Variants in CACNA2D1 observed in about 807,000 individuals in gnomAD.
CACNA2D1 encodes the protein voltage-dependent calcium channel subunit alpha-2/delta-1.
In CACNA2D1, 53 loss-of-function variants were observed where a neutral mutation model predicts 171.5. The ratio of observed to expected loss-of-function variants is 0.31; its 90% CI spans 0.25 to 0.39. CACNA2D1 has a LOEUF of 0.39. Among genes scored for constraint, CACNA2D1 ranks in the 10% least tolerant of loss-of-function variants. CACNA2D1 has a pLI of 1.00. For missense variants in CACNA2D1, 903 were observed against 1,299.8 expected (o/e 0.69, Z 4.69); for synonymous variants, 442 against 443.1 (o/e 1.00, Z 0.03).
At chr7:82,405,533 T>A (rs1826934597) in intron 1 of CACNA2D1, among the ~76,000 whole-genome samples, 1 of 152,084 alleles carries the variant, frequency 6.6e-6, no homozygotes, top group Non-Finnish European at 1.5e-5. Flanking sequence ...AATGACAAAG[T>A]CTAGGAAATC....
chr7:82,250,431 A>T (rs1486502085), intron 3 of CACNA2D1, among the ~76,000 whole-genome samples: 7 of 152,188 alleles, frequency 4.6e-5, no homozygotes, highest in African/African-American at 1.7e-4. Flanking sequence ...TAACATATAA[A>T]ATCTTATATA....
At chr7:81,963,023 C>T (rs1419685512) in intron 34 of CACNA2D1, among the ~76,000 whole-genome samples, 3 of 151,730 alleles carry the variant, frequency 2.0e-5, no homozygotes, top group Non-Finnish European at 4.4e-5. Flanking sequence ...TTCAGTTTTA[C>T]AGTAACTGAC....
At chr7:82,224,105 G>GT (rs1323139085) in intron 3 of CACNA2D1, among the ~76,000 whole-genome samples, 1 of 152,018 alleles carries the variant, frequency 6.6e-6, no homozygotes, top group Admixed American at 6.6e-5. Flanking sequence ...CAGTCACTAT[G>GT]TTTTATTCAC....
In CACNA2D1 at chr7:82,084,812, C is replaced by T. The variant is rs1554398083; in HGVS notation, c.615G>A (p.Trp205Ter). ...KNREEDPSLL[W>*]QVFGSATGLA... ...GGCCAGTGGCACTGCCAAAAACCTG[C>T]CACAATAATGAAGGGTCTTCCTCGC... Residue 205 changes from tryptophan to a stop codon, truncating the protein, a stop_gained, in exon 7 of 39, where the codon TGG becomes TGA. Coordinates refer to ENST00000356860, the MANE Select transcript of CACNA2D1 (RefSeq NM_000722.4). LOFTEE classifies it high-confidence loss of function. The T allele has an allele frequency of 6.2e-7, 1 of 1,613,936 alleles. No individual in the cohort carries two copies.
At chr7:82,043,347 A>C (rs1357691161) in intron 10 of CACNA2D1, among the ~76,000 whole-genome samples, 2 of 152,164 alleles carry the variant, frequency 1.3e-5, no homozygotes, top group Non-Finnish European at 2.9e-5. Context: ...TATTGTTTTA[A>C]AAATTATTTT....
intron 8 of CACNA2D1, among the ~76,000 whole-genome samples, chr7:82,065,122 T>A (rs1386388667): frequency 6.6e-6 from 1 of 151,892 alleles, no homozygotes; most frequent in Non-Finnish European, 1.5e-5. Context: ...TCAATTTTTT[T>A]ACTTATTTCT....
intron 3 of CACNA2D1, among the ~76,000 whole-genome samples, chr7:82,328,536 A>C (rs369147226): frequency 6.6e-6 from 1 of 152,126 alleles, no homozygotes; most frequent in Admixed American, 6.6e-5. Flanking sequence ...TTCTGTCCCA[A>C]GTGAAATATT....
chr7:82,092,513 C>T (rs1341286009), intron 6 of CACNA2D1, among the ~76,000 whole-genome samples: 3 of 148,874 alleles, frequency 2.0e-5, no homozygotes, highest in South Asian at 2.1e-4. Context: ...ATTGGGACTA[C>T]GGGCACCCAC....
In CACNA2D1 at chr7:82,155,614, G is replaced by A. The variant is rs555689874; in HGVS notation, c.354+14936C>T. 2.0e-5 allele frequency among the ~76,000 whole-genome samples: 3 copies of A among 152,206 alleles called. No homozygotes were observed. The East Asian group carries it at 5.8e-4, about 29-fold the overall frequency. On this transcript the variant is annotated intron_variant, in intron 4 of 38. Transcript: ENST00000356860. ...AAAGGTTCCCTCCTGGAGCTTCCCA[G>A]GTGGTATTTTTTGCTATTAGCAAAC...
intron 2 of CACNA2D1, among the ~76,000 whole-genome samples, chr7:82,348,056 G>C (rs1819442113): frequency 6.6e-6 from 1 of 152,180 alleles, no homozygotes; most frequent in Non-Finnish European, 1.5e-5. Context: ...CAGAGTAAGG[G>C]AGATGCTCCC....
intron 12 of CACNA2D1, among the ~76,000 whole-genome samples, chr7:82,026,714 A>T (rs751587775): frequency 6.6e-6 from 1 of 151,720 alleles, no homozygotes; most frequent in Non-Finnish European, 1.5e-5. Flanking sequence ...TAAAGTTAGA[A>T]CATGTTCCTC....
At chr7:81,974,872 G>A (rs1333713835) in intron 24 of CACNA2D1, among the ~76,000 whole-genome samples, 2 of 151,902 alleles carry the variant, frequency 1.3e-5, no homozygotes, top group Admixed American at 6.6e-5. Flanking sequence ...TTGGGGCATC[G>A]GGGGCAAGGG....
intron 1 of CACNA2D1, 70 bp downstream of exon 1, chr7:82,443,295 G>T: frequency 6.7e-7 from 1 of 1,487,576 alleles, no homozygotes; most frequent in Non-Finnish European, 9.1e-7. Flanking sequence ...CGCGACTCGG[G>T]AACCGACCCC....
intron 1 of CACNA2D1, among the ~76,000 whole-genome samples, chr7:82,379,267 A>C (rs1258086349): frequency 6.6e-6 from 1 of 152,044 alleles, no homozygotes; most frequent in Non-Finnish European, 1.5e-5. Context: ...TGACTGACGA[A>C]TTTCAAAGCA....
intron 9 of CACNA2D1, among the ~76,000 whole-genome samples, chr7:82,061,185 A>C (rs956818732): frequency 6.6e-6 from 1 of 152,142 alleles, no homozygotes; most frequent in Non-Finnish European, 1.5e-5. Context: ...GTCCAAAATG[A>C]CACATTACTT....
At chr7:82,366,082 A>G (rs949756815) in intron 1 of CACNA2D1, among the ~76,000 whole-genome samples, 1 of 152,094 alleles carries the variant, frequency 6.6e-6, no homozygotes, top group Non-Finnish European at 1.5e-5. Context: ...CTCCTAGACC[A>G]CTCGTTGCTA....
intron 1 of CACNA2D1, among the ~76,000 whole-genome samples, chr7:82,368,008 CAA>C: frequency 6.6e-6 from 1 of 152,034 alleles, no homozygotes; most frequent in Non-Finnish European, 1.5e-5. Flanking sequence ...CATAAAATTT[CAA>C]AATTCAAGAA....
intron 8 of CACNA2D1, 105 bp from the exon 9 acceptor site, chr7:82,064,459 G>A (rs1352791191): frequency 4.5e-5 from 34 of 753,614 alleles, no homozygotes; most frequent in African/African-American, 1.7e-5. Context: ...TTTTCCCCAA[G>A]CAAAGACCCA....
chr7:81,953,520 T>TA (rs571001694), intron 38 of CACNA2D1, among the ~76,000 whole-genome samples: 97 of 150,578 alleles, frequency 6.4e-4, no homozygotes, highest in African/African-American at 2.3e-3. Context: ...GGTAAACAGA[T>TA]AAAAAACAGG....
Sources: allele counts gnomAD v4.1 joint callset (sites outside exome capture counted in the v4.1 genomes callset), GRCh38; gene constraint gnomAD v4.1.1; transcripts MANE v1.5; gene names NCBI Gene and HGNC (gene_info 2026-07-23, HGNC 2026-07-21).